ZFHX3: variants seen among roughly 807,000 people sequenced by gnomAD.
ZFHX3 encodes zinc finger homeobox 3, also known as zinc finger homeobox protein 3.
ZFHX3 carries 42 observed loss-of-function variants against 279.1 expected under a neutral mutation model. The observed-to-expected ratio is 0.15, with a 90% confidence interval of 0.12 to 0.19. The LOEUF (loss-of-function observed/expected upper bound fraction) is 0.19, where lower values mean the gene tolerates loss of function less well. Ranked by LOEUF, ZFHX3 falls within the 10% of genes least tolerant of loss-of-function variation. The pLI, the probability that ZFHX3 is intolerant of heterozygous loss-of-function variation, is 1.00. For synonymous variants in ZFHX3, 2,293 were observed against 1,957.8 expected, an observed-to-expected ratio of 1.17 and a Z score of -4.52; for missense variants, 4,981 against 4,754.0, an observed-to-expected ratio of 1.05 and a Z score of -1.40.
chr16:73,794,759 T>C (rs1183738186), intron 1 of ZFHX3, among the ~76,000 whole-genome samples: 2 of 152,214 alleles, frequency 1.3e-5, no homozygotes, highest in African/African-American at 4.8e-5. Context: ...TAAAGGGCTA[T>C]CGATTAGACG....
intron 3 of ZFHX3, among the ~76,000 whole-genome samples, chr16:73,387,505 TTTTG>T (rs1056495194): frequency 2.2e-4 from 33 of 152,208 alleles, no homozygotes; most frequent in African/African-American, 7.2e-4. Context: ...GGCAGGGTTT[TTTTG>T]TTTTTTTGTT....
intron 2 of ZFHX3, among the ~76,000 whole-genome samples, chr16:73,538,657 A>G (rs560176924): frequency 6.6e-6 from 1 of 152,174 alleles, no homozygotes; most frequent in South Asian, 2.1e-4. Context: ...CGCAGCCCCT[A>G]ATTCCTCACG....
Position 73,088,521 on chromosome 16 carries a change from C to T in ZFHX3, c.-533+4714G>A, listed in dbSNP as rs146030439. 4.3e-4 allele frequency among the ~76,000 whole-genome samples: 66 copies of T among 152,236 alleles called. 1 individual carries two copies. The highest frequency in any genetic ancestry group is 1.4e-3 in the Admixed American group (21 of 15,282). The stretch of plus-strand genomic sequence containing the variant: ...GCATGAAGCCTAGAATATAAGAAAC[C>T]ACCTAAATGAATTCTATCTGCATGT... On this transcript the variant is annotated intron_variant, in intron 8 of 17. Transcript: ENST00000641206.
rs114660362 is a variant in ZFHX3 at position 73,841,415 on chromosome 16, G to C, written c.-1608+50236C>G. ...CTGCAGGGGAGACATGGCGGACCAG[G>C]AATCATAACAATCAGGCTCCAGGAA... On this transcript the variant is annotated intron_variant, in intron 1 of 17. Transcript: ENST00000641206. 2.4e-3 allele frequency among the ~76,000 whole-genome samples: 371 copies of C among 152,246 alleles called. 3 individuals carry two copies. Among genetic ancestry groups the C allele is most frequent in the African/African-American group, 8.4e-3 (349 of 41,530 alleles).
chr16:72,838,119 G>A (rs1185628542), intron 4 of ZFHX3, among the ~76,000 whole-genome samples: 4 of 151,340 alleles, frequency 2.6e-5, no homozygotes, highest in Non-Finnish European at 5.9e-5. Flanking sequence ...CCTCCTTACC[G>A]CCCCCACCCT....
At chr16:72,882,632 G>A (rs1218736446) in intron 4 of ZFHX3, among the ~76,000 whole-genome samples, 1 of 152,092 alleles carries the variant, frequency 6.6e-6, no homozygotes, top group Non-Finnish European at 1.5e-5. Flanking sequence ...CCTTCTCCAG[G>A]GGGACCTTCC....
intron 4 of ZFHX3, among the ~76,000 whole-genome samples, chr16:72,857,538 A>C (rs1467332059): frequency 6.6e-6 from 1 of 152,218 alleles, no homozygotes; most frequent in Non-Finnish European, 1.5e-5. Context: ...TAAAAGTATT[A>C]GCCAGGTATG....
At chr16:73,686,059 C>A (rs2053078971) in intron 1 of ZFHX3, among the ~76,000 whole-genome samples, 1 of 152,066 alleles carries the variant, frequency 6.6e-6, no homozygotes, top group Non-Finnish European at 1.5e-5. Context: ...ATGTGAATTT[C>A]CAAGAGGGTA....
intron 7 of ZFHX3, among the ~76,000 whole-genome samples, chr16:73,112,464 G>A (rs1030188080): frequency 2.0e-5 from 3 of 152,086 alleles, no homozygotes; most frequent in African/African-American, 7.2e-5. Context: ...TGTAATCCCA[G>A]CACTTTGGGA....
chr16:73,682,903 AAAGAGAAAGAAAGAGAGAAAG>A (rs1567550562), intron 1 of ZFHX3, among the ~76,000 whole-genome samples: 3 of 16,486 alleles, frequency 1.8e-4, no homozygotes, highest in African/African-American at 4.9e-4. Context: ...AGAAAGAAAG[AAAGAGAAAGAAAGAGAGAAAG>A]AGAAAGAAAG....
intron 7 of ZFHX3, among the ~76,000 whole-genome samples, chr16:73,097,284 T>C (rs1239602855): frequency 6.9e-6 from 1 of 145,552 alleles, no homozygotes; most frequent in Non-Finnish European, 1.5e-5. Context: ...CCCAGGATGG[T>C]CTTGAACTCC....
intron 2 of ZFHX3, among the ~76,000 whole-genome samples, chr16:73,571,054 T>A (rs1324472053): frequency 1.4e-5 from 2 of 145,304 alleles, no homozygotes; most frequent in Non-Finnish European, 3.0e-5. Context: ...TATAGTTAAA[T>A]TATAAAGAAT....
chr16:73,765,418 A>T (rs2142286561), intron 1 of ZFHX3, among the ~76,000 whole-genome samples: 1 of 152,342 alleles, frequency 6.6e-6, no homozygotes, highest in South Asian at 2.1e-4. Flanking sequence ...TTATACACTG[A>T]TCTAACTACC....
intron 1 of ZFHX3, among the ~76,000 whole-genome samples, chr16:73,823,443 C>T (rs1960809154): frequency 6.6e-6 from 1 of 152,158 alleles, no homozygotes; most frequent in South Asian, 2.1e-4. Context: ...AAAGCAAGTG[C>T]TAAACAAAGG....
intron 1 of ZFHX3, among the ~76,000 whole-genome samples, chr16:73,035,582 G>A (rs568412003): frequency 7.2e-5 from 11 of 152,268 alleles, no homozygotes; most frequent in African/African-American, 2.2e-4. Context: ...GACCCACAGC[G>A]TGCTTTTAAA....
At chr16:73,158,321 GT>G (rs1362356500) in intron 5 of ZFHX3, among the ~76,000 whole-genome samples, 1 of 152,156 alleles carries the variant, frequency 6.6e-6, no homozygotes, top group Non-Finnish European at 1.5e-5. Flanking sequence ...CAACTGAATA[GT>G]TTAAAATCTT....
At chr16:73,330,817 G>T (rs1208148591) in intron 3 of ZFHX3, among the ~76,000 whole-genome samples, 1 of 152,202 alleles carries the variant, frequency 6.6e-6, no homozygotes, top group African/African-American at 2.4e-5. Context: ...GATTTTCCCA[G>T]TGGTCTGGCT....
intron 1 of ZFHX3, among the ~76,000 whole-genome samples, chr16:73,847,174 G>A (rs990651269): frequency 8.5e-5 from 13 of 152,256 alleles, no homozygotes; most frequent in African/African-American, 3.1e-4. Flanking sequence ...GGAGGCGCAG[G>A]CCTGCAATCG....
chr16:73,775,794 G>A (rs966479106), intron 1 of ZFHX3, among the ~76,000 whole-genome samples: 3 of 152,204 alleles, frequency 2.0e-5, no homozygotes, highest in South Asian at 4.2e-4. Flanking sequence ...AGGAGGGTTT[G>A]CCAGAGTCTC....
Sources: allele counts gnomAD v4.1 joint callset (sites outside exome capture counted in the v4.1 genomes callset), GRCh38; gene constraint gnomAD v4.1.1; transcripts MANE v1.5; gene names NCBI Gene and HGNC (gene_info 2026-07-23, HGNC 2026-07-21).